VPS13B: variants seen among roughly 807,000 people sequenced by gnomAD.
The protein encoded by VPS13B is intermembrane lipid transfer protein VPS13B.
VPS13B carries 285 observed loss-of-function variants against 426.4 expected under a neutral mutation model. The observed-to-expected ratio is 0.67, with a 90% CI of 0.61 to 0.74. The LOEUF (loss-of-function observed/expected upper bound fraction) is 0.74. Ranked by LOEUF, VPS13B falls within the 30% of genes least tolerant of loss-of-function variation. VPS13B has a pLI of 0.00. For missense variants in VPS13B, 4,537 were observed against 4,782.6 expected (o/e 0.95, Z 1.51); for synonymous variants, 1,676 against 1,676.4 (o/e 1.00, Z 0.01).
chr8:99,219,949 G>A (rs899812480), intron 17 of VPS13B, among the ~76,000 whole-genome samples: 5 of 152,140 alleles, frequency 3.3e-5, no homozygotes, highest in African/African-American at 7.2e-5. Flanking sequence ...TACTCAGATC[G>A]AGCCAGTTGT....
intron 39 of VPS13B, 36 bp downstream of exon 39, chr8:99,721,083 T>C: frequency 6.2e-7 from 1 of 1,605,822 alleles, no homozygotes; most frequent in East Asian, 2.2e-5. Flanking sequence ...ATGAAAACAT[T>C]GTGGGAAAGG....
chr8:99,487,481 A>G (rs1820376175), intron 25 of VPS13B, among the ~76,000 whole-genome samples: 1 of 152,104 alleles, frequency 6.6e-6, no homozygotes, highest in Non-Finnish European at 1.5e-5. Flanking sequence ...CATTTTAACC[A>G]TTTTAAAATG....
intron 19 of VPS13B, among the ~76,000 whole-genome samples, chr8:99,298,870 A>G (rs1478829247): frequency 1.3e-5 from 2 of 152,176 alleles, no homozygotes; most frequent in Non-Finnish European, 2.9e-5. Flanking sequence ...TTTAGGATTA[A>G]AGGTAGGGAA....
At chr8:99,511,865 C>T (rs911554621) in intron 29 of VPS13B, among the ~76,000 whole-genome samples, 2 of 152,126 alleles carry the variant, frequency 1.3e-5, no homozygotes, top group African/African-American at 4.8e-5. Flanking sequence ...AGGTCAAGCA[C>T]AGTGGCTCAC....
chr8:99,866,185 C>T (rs1193850592), intron 58 of VPS13B, among the ~76,000 whole-genome samples: 1 of 152,354 alleles, frequency 6.6e-6, no homozygotes, highest in South Asian at 2.1e-4. Context: ...TGAAAGCCTT[C>T]GAGCAGAGTT....
At chr8:99,308,514 C>A (rs911907525) in intron 19 of VPS13B, among the ~76,000 whole-genome samples, 8 of 152,088 alleles carry the variant, frequency 5.3e-5, no homozygotes, top group East Asian at 1.9e-4. Flanking sequence ...TGAACTCATC[C>A]TTTTTTATGG....
intron 54 of VPS13B, among the ~76,000 whole-genome samples, chr8:99,838,661 A>G (rs1398486910): frequency 1.3e-5 from 2 of 152,368 alleles, no homozygotes; most frequent in South Asian, 2.1e-4. Context: ...TGGAGGAGAT[A>G]GATAATAAGC....
At chr8:99,483,205 C>T (rs1020646494) in intron 25 of VPS13B, among the ~76,000 whole-genome samples, 4 of 152,112 alleles carry the variant, frequency 2.6e-5, no homozygotes, top group African/African-American at 9.7e-5. Flanking sequence ...CCTGTACAAG[C>T]AACTTTTCTA....
intron 43 of VPS13B, chr8:99,796,835 A>G (rs1812852638): frequency 6.6e-6 from 1 of 152,198 alleles, no homozygotes; most frequent in Non-Finnish European, 1.5e-5. Context: ...TCTCACCAAC[A>G]AGCTAGCCAA....
chr8:99,136,221 C>T lies in VPS13B; in HGVS notation c.1564-444C>T, dbSNP rs937621378. The stretch of plus-strand genomic sequence containing the variant: ...ACTCTTTTTTTATCAAGATTTACTT[C>T]CATTGTTAAAATATTTAATGTTGAC... On this transcript the variant is annotated intron_variant, in intron 11 of 61. Coordinates refer to ENST00000357162, the MANE Select transcript of VPS13B (RefSeq NM_152564.5). 7.2e-5 allele frequency among the ~76,000 whole-genome samples: 11 copies of T among 151,872 alleles called. 1 individual carries two copies. Among genetic ancestry groups the T allele is most frequent in the Admixed American group, 1.3e-4 (2 of 15,256 alleles).
intron 31 of VPS13B, among the ~76,000 whole-genome samples, chr8:99,564,017 C>A (rs115634185): frequency 6.6e-6 from 1 of 151,986 alleles, no homozygotes; most frequent in Non-Finnish European, 1.5e-5. Flanking sequence ...AAATGGCAAC[C>A]TTTATAATGA....
chr8:99,029,745 C>T (rs919707421), intron 2 of VPS13B, among the ~76,000 whole-genome samples: 5 of 143,726 alleles, frequency 3.5e-5, no homozygotes, highest in African/African-American at 7.8e-5. Context: ...AGCTTTGGCT[C>T]GGCATCAGAG....
intron 17 of VPS13B, among the ~76,000 whole-genome samples, chr8:99,245,782 G>T (rs2132901521): frequency 6.6e-6 from 1 of 152,274 alleles, no homozygotes; most frequent in Admixed American, 6.5e-5. Context: ...GGCCTCATGT[G>T]ATCCACCCGC....
chr8:99,193,454 G>A (rs973962873), intron 17 of VPS13B, among the ~76,000 whole-genome samples: 2 of 151,666 alleles, frequency 1.3e-5, no homozygotes, highest in Non-Finnish European at 2.9e-5. Context: ...AACAATTTTT[G>A]TGTGTGTGTG....
chr8:99,718,762 G>A (rs542514469), intron 37 of VPS13B, among the ~76,000 whole-genome samples: 1 of 151,516 alleles, frequency 6.6e-6, no homozygotes, highest in Non-Finnish European at 1.5e-5. Context: ...AGCCTCCTGG[G>A]CTCAAGAGAT....
chr8:99,196,411 C>T (rs1190340471), intron 17 of VPS13B, among the ~76,000 whole-genome samples: 1 of 149,838 alleles, frequency 6.7e-6, no homozygotes, highest in Non-Finnish European at 1.5e-5. Context: ...TTGTATCCCA[C>T]ACCTTTACTG....
In VPS13B at chr8:99,096,514, G is replaced by A. The variant is rs968438565; in HGVS notation, c.412+82G>A. 1.9e-6 allele frequency: 3 copies of A among 1,578,784 alleles called. No homozygotes were observed. The African/African-American group carries it at 4.1e-5, about 21-fold the overall frequency. On this transcript the variant is annotated intron_variant, in intron 4 of 61. Coordinates refer to ENST00000357162, the MANE Select transcript of VPS13B (RefSeq NM_152564.5). ...CTCATGCCTGTAATCCCAGTGCTTT[G>A]GGGGGCTGAGGCGGGTGGATTACTT...
chr8:99,254,667 G>T (rs181565198), intron 17 of VPS13B, among the ~76,000 whole-genome samples: 157 of 151,396 alleles, frequency 1.0e-3, no homozygotes, highest in African/African-American at 3.6e-3. Flanking sequence ...ATTTAGAGAC[G>T]GAATCTCACT....
chr8:99,645,148 G>A (rs1829532661), intron 34 of VPS13B, among the ~76,000 whole-genome samples: 1 of 152,126 alleles, frequency 6.6e-6, no homozygotes, highest in African/African-American at 2.4e-5. Context: ...TTCAGACCAT[G>A]CAAAAGATTC....
Sources: gnomAD v4.1 joint callset for allele counts (sites outside exome capture counted in the v4.1 genomes callset) on GRCh38, gnomAD v4.1.1 for gene constraint, MANE v1.5 for transcripts, NCBI Gene and HGNC (gene_info 2026-07-23, HGNC 2026-07-21) for gene names.